The following CDS2 variants were observed in gnomAD, a reference collection of about 807,000 sequenced individuals.
The protein encoded by CDS2 is phosphatidate cytidylyltransferase 2.
CDS2 carries 47 observed loss-of-function variants against 59.0 expected under a neutral mutation model. The observed-to-expected ratio is 0.80, with a 90% CI of 0.63 to 1.02. The LOEUF (loss-of-function observed/expected upper bound fraction) is 1.02, where lower values mean the gene tolerates loss of function less well. Ranked by LOEUF, CDS2 falls within the 50% of genes least tolerant of loss-of-function variation. The pLI, the probability that CDS2 is intolerant of heterozygous loss-of-function variation, is 0.00. For missense variants in CDS2, 356 were observed against 558.9 expected, an observed-to-expected ratio of 0.64 and a Z score of 3.66; for synonymous variants, 207 against 206.4, an observed-to-expected ratio of 1.00 and a Z score of -0.02.
chr20:5,185,089 G>A (rs1400557004), intron 8 of CDS2, 144 bp downstream of exon 8: 7 of 638,538 alleles, frequency 1.1e-5, no homozygotes, highest in Non-Finnish European at 1.4e-5. Context: ...AAAGGCCAAA[G>A]GAAAACACTG....
intron 5 of CDS2, among the ~76,000 whole-genome samples, chr20:5,182,066 T>TA (rs1399507218): frequency 6.6e-6 from 1 of 152,212 alleles, no homozygotes; most frequent in Non-Finnish European, 1.5e-5. Context: ...ACTTTATTTA[T>TA]AAAAACAAGC....
intron 10 of CDS2, chr20:5,187,745 A>T (rs998558775): frequency 4.6e-5 from 7 of 151,986 alleles, no homozygotes; most frequent in Admixed American, 4.6e-4. Flanking sequence ...ATAGCTGGGG[A>T]TGGTGGCGTG....
chr20:5,187,297 T>G, intron 10 of CDS2: 1 of 183,804 alleles, frequency 5.4e-6, no homozygotes, highest in Non-Finnish European at 1.2e-5. Flanking sequence ...TATGAAATAG[T>G]AAAGTTACTA....
At chr20:5,145,986 G>A (rs879277267) in intron 1 of CDS2, among the ~76,000 whole-genome samples, 2 of 151,968 alleles carry the variant, frequency 1.3e-5, no homozygotes, top group Non-Finnish European at 2.9e-5. Context: ...ACCATGCCCA[G>A]CTATTTTTTA....
intron 9 of CDS2, among the ~76,000 whole-genome samples, chr20:5,186,030 A>T (rs553719393): frequency 6.6e-6 from 1 of 152,240 alleles, no homozygotes; most frequent in Non-Finnish European, 1.5e-5. Flanking sequence ...AGCACCTTCT[A>T]TGCCCTCTCG....
At chr20:5,188,584 A>T (rs555763585) in intron 10 of CDS2, among the ~76,000 whole-genome samples, 7 of 152,298 alleles carry the variant, frequency 4.6e-5, no homozygotes, top group African/African-American at 1.7e-4. Context: ...TAGTTTCATA[A>T]AGAGTTACGA....
intron 1 of CDS2, among the ~76,000 whole-genome samples, chr20:5,135,881 G>C (rs887959308): frequency 3.8e-4 from 58 of 152,198 alleles, no homozygotes; most frequent in African/African-American, 1.2e-3. Flanking sequence ...ATGCCACACT[G>C]TGGTTCTCAT....
At chr20:5,143,343 T>C (rs755697682) in intron 1 of CDS2, among the ~76,000 whole-genome samples, 2 of 152,198 alleles carry the variant, frequency 1.3e-5, no homozygotes, top group Non-Finnish European at 2.9e-5. Flanking sequence ...TGAGGGAGTA[T>C]AGATTGGCAC....
intron 5 of CDS2, among the ~76,000 whole-genome samples, chr20:5,181,963 C>T (rs2091036281): frequency 6.6e-6 from 1 of 152,188 alleles, no homozygotes; most frequent in Admixed American, 6.5e-5. Context: ...CCTCGTTGTT[C>T]AGAGCATGAC....
At chr20:5,173,795 C>G (rs1281708501) in intron 2 of CDS2, 136 bp downstream of exon 2, 6 of 1,010,038 alleles carry the variant, frequency 5.9e-6, no homozygotes, top group Non-Finnish European at 9.0e-6. Context: ...GCCACTGCTC[C>G]AGGCTCCATT....
At chr20:5,138,392 A>T (rs898631465) in intron 1 of CDS2, among the ~76,000 whole-genome samples, 2 of 152,164 alleles carry the variant, frequency 1.3e-5, no homozygotes, top group African/African-American at 2.4e-5. Flanking sequence ...TTTGTGGAAA[A>T]TGAGTTGACT....
At chr20:5,149,727 T>A (rs533603081) in intron 1 of CDS2, among the ~76,000 whole-genome samples, 2 of 151,970 alleles carry the variant, frequency 1.3e-5, no homozygotes, top group East Asian at 3.9e-4. Context: ...TTGTTTTTTG[T>A]TTTTTTGAGA....
chr20:5,146,278 A>G lies in CDS2; in HGVS notation c.57+19129A>G, dbSNP rs542895872. Reference sequence around the variant, plus strand: ...TGAATTCTGGGCTTCTGCTCTTGGCATTAAGATAGGCAGGTGCTGACAATG... The same window carrying G: ...TGAATTCTGGGCTTCTGCTCTTGGCGTTAAGATAGGCAGGTGCTGACAATG... On this transcript the variant is annotated intron_variant, in intron 1 of 12. Transcript: ENST00000460006. Among the ~76,000 whole-genome samples, 37 of 152,334 alleles carry G rather than the reference A, an allele frequency of 2.4e-4. 1 individual carries two copies. In the South Asian group the frequency reaches 7.5e-3, roughly 31 times the overall value.
chr20:5,155,509 A>T (rs996093078), intron 1 of CDS2, among the ~76,000 whole-genome samples: 1 of 152,158 alleles, frequency 6.6e-6, no homozygotes, highest in Admixed American at 6.5e-5. Context: ...TTTAGGGAGG[A>T]TGTAGCTGTC....
chr20:5,196,432 C>G lies in CDS2; in HGVS notation c.*6198C>G, dbSNP rs1040493424. ...CAGAGAATGCCTTTGCAGTGGTCTC[C>G]CGGGCATTGGGCAGGGCCTAGCCTT... On this transcript the variant is annotated 3_prime_UTR_variant, in exon 13 of 13. Transcript: ENST00000460006. 6.6e-6 allele frequency: 1 copy of G among 152,190 alleles called. No individual in the cohort carries two copies. Among genetic ancestry groups the G allele is most frequent in the African/African-American group, 2.4e-5 (1 of 41,436 alleles). The allele number at this position is 152,190 out of a possible 1,614,324, so 9.4% of individuals were successfully genotyped here.
At position 5,179,899 on chromosome 20, in the gene CDS2, G is replaced by A. The variant is rs1274768130; in HGVS notation, c.529+943G>A. Among the ~76,000 whole-genome samples the A allele has an allele frequency of 8.5e-5, 13 of 152,312 alleles. 1 individual carries two copies. Among genetic ancestry groups the A allele is most frequent in the Admixed American group, 5.2e-4 (8 of 15,296 alleles). ...CCTTCAAAGCTAGTTTGAGGTGCAC[G>A]AAAAATTTGTTCTGACCTCAATGTC... On this transcript the variant is annotated intron_variant, in intron 5 of 12. Transcript: ENST00000460006.
intron 1 of CDS2, among the ~76,000 whole-genome samples, chr20:5,135,360 A>G (rs1189781092): frequency 6.6e-6 from 1 of 152,208 alleles, no homozygotes; most frequent in East Asian, 1.9e-4. Context: ...TCCTCTCCAC[A>G]GTTTGTTAAG....
intron 1 of CDS2, among the ~76,000 whole-genome samples, chr20:5,146,385 A>G (rs1338122706): frequency 2.6e-5 from 4 of 152,130 alleles, no homozygotes; most frequent in Non-Finnish European, 1.5e-5. Flanking sequence ...AAGAGTCAGG[A>G]GAGTTTGGGG....
At position 5,184,708 on chromosome 20, in the gene CDS2, G is replaced by A. The variant is rs767953137; in HGVS notation, c.672-150G>A. 2 of 671,424 alleles carry A rather than the reference G, an allele frequency of 3.0e-6. No individual in the cohort carries two copies. The highest frequency in any genetic ancestry group is 3.5e-5 in the South Asian group (2 of 56,508). 41.6% of individuals were successfully genotyped at this position (671,424 alleles called of 1,614,324 possible). ...CTAGGTACTAGGTATGACTTTTTTG[G>A]TATTTTTTATGTTTTTAACTTACTC... is the stretch of plus-strand genomic sequence containing the variant. On this transcript the variant is annotated intron_variant, in intron 7 of 12. Transcript: ENST00000460006. The surrounding 1 kb of genome is among the most constrained non-coding windows in gnomAD (Gnocchi z 4.3).
Sources: allele counts gnomAD v4.1 joint callset (sites outside exome capture counted in the v4.1 genomes callset), GRCh38; gene constraint gnomAD v4.1.1; non-coding constraint Gnocchi (gnomAD v3.1); transcripts MANE v1.5; gene names NCBI Gene and HGNC (gene_info 2026-07-23, HGNC 2026-07-21).